BDNF: variants seen among roughly 807,000 people sequenced by gnomAD.
BDNF encodes brain derived neurotrophic factor, also known as neurotrophic factor BDNF precursor form.
In BDNF, 1 loss-of-function variant was observed where a neutral mutation model predicts 19.5. The observed-to-expected ratio is 0.05, with a 90% CI of 0.02 to 0.24. The LOEUF (loss-of-function observed/expected upper bound fraction) is 0.24. Ranked by LOEUF, BDNF falls within the 10% of genes least tolerant of loss-of-function variation. The pLI is 1.00. For missense variants in BDNF, 195 were observed against 317.6 expected (o/e 0.61, Z 2.93); for synonymous variants, 100 against 121.6 (o/e 0.82, Z 1.17).
chr11:27,701,375 C>T (rs1310190932), upstream of BDNF: 4 of 1,052,258 alleles, frequency 3.8e-6, no homozygotes, highest in African/African-American at 1.7e-5. Context: ...CTCCCACACT[C>T]TATTATTTTT....
chr11:27,657,661 CAATA>C lies in BDNF; in HGVS notation c.*156_*159del, dbSNP rs1852751145. 6.9e-7 allele frequency: 1 copy of C among 1,439,998 alleles called. No homozygotes were observed. 89.2% of individuals were successfully genotyped at this position (1,439,998 alleles called of 1,614,324 possible). On this transcript the variant is annotated 3_prime_UTR_variant, in exon 2 of 2. Transcript: ENST00000356660. The surrounding 1 kb of genome is among the most constrained non-coding windows in gnomAD (Gnocchi z 5.0). ...TTTCCCTTCTGGTCATGGACATGTCCAATAAATAGATTGTAGAACCACTGTACTG... is the reference window on the plus strand; with the variant it reads ...TTTCCCTTCTGGTCATGGACATGTCCAATAGATTGTAGAACCACTGTACTG...
intron 1 of BDNF, among the ~76,000 whole-genome samples, chr11:27,688,891 A>C (rs755136726): frequency 6.6e-6 from 1 of 152,230 alleles, no homozygotes; most frequent in African/African-American, 2.4e-5. Flanking sequence ...CTAATCATTC[A>C]CTTAGCAAGA....
At chr11:27,659,375 A>G (rs2133792611) in intron 1 of BDNF, 1 of 1,000,386 alleles carries the variant, frequency 1.0e-6, no homozygotes, top group East Asian at 1.1e-4. Context: ...AACAGAAATC[A>G]TTTTTTGACA....
At chr11:27,670,397 A>C (rs1855158338) in intron 1 of BDNF, among the ~76,000 whole-genome samples, 1 of 152,236 alleles carries the variant, frequency 6.6e-6, no homozygotes, top group African/African-American at 2.4e-5. Flanking sequence ...ACAAAAGCCA[A>C]AATTGACAAA....
At chr11:27,711,135 TG>T (rs1235281131) in intron 1 of BDNF, among the ~76,000 whole-genome samples, 1 of 152,218 alleles carries the variant, frequency 6.6e-6, no homozygotes, top group Non-Finnish European at 1.5e-5. Flanking sequence ...TGCCACTTAT[TG>T]GCTCTGCTAA....
At chr11:27,666,271 C>T (rs1430803957) in intron 1 of BDNF, among the ~76,000 whole-genome samples, 1 of 152,178 alleles carries the variant, frequency 6.6e-6, no homozygotes, top group East Asian at 1.9e-4. Flanking sequence ...ATCTGTACGT[C>T]ACCATCATCA....
intron 1 of BDNF, among the ~76,000 whole-genome samples, chr11:27,717,006 G>A (rs549190260): frequency 4.6e-5 from 7 of 152,072 alleles, no homozygotes; most frequent in South Asian, 4.2e-4. Context: ...CTTCTCTCTC[G>A]CTCACTGCCT....
upstream of BDNF, chr11:27,700,564 C>T (rs1386754795): frequency 5.3e-6 from 5 of 949,802 alleles, no homozygotes; most frequent in African/African-American, 7.4e-5. Context: ...CGCTCGCCCG[C>T]GCTACCGATA....
intron 1 of BDNF, chr11:27,699,437 C>T (rs1329952404): frequency 6.2e-7 from 1 of 1,614,054 alleles, no homozygotes; most frequent in East Asian, 2.2e-5. Context: ...AAGAATCCCC[C>T]ACGTACATCC....
intron 1 of BDNF, among the ~76,000 whole-genome samples, chr11:27,682,392 CTTTT>C (rs1325218527): frequency 1.4e-5 from 2 of 141,260 alleles, no homozygotes; most frequent in African/African-American, 5.0e-5. Context: ...TATTGTATTT[CTTTT>C]ATTATTATTA....
At chr11:27,706,802 T>C (rs1188804205) in intron 1 of BDNF, among the ~76,000 whole-genome samples, 1 of 152,204 alleles carries the variant, frequency 6.6e-6, no homozygotes, top group African/African-American at 2.4e-5. Context: ...ATCTTCCCTT[T>C]GCAACTTGGA....
At chr11:27,700,526 CCCCCCCCGCCCCCCG>C (rs1383548941), upstream of BDNF, 11 of 465,680 alleles carry the variant, frequency 2.4e-5, no homozygotes, top group African/African-American at 2.1e-4. Context: ...CGCCGCCCCC[CCCCCCCCGCCCCCCG>C]CCCCCCGCTC....
In BDNF at chr11:27,655,145, C is replaced by G. The variant is rs1470155236; in HGVS notation, c.*2676G>C. 6.6e-6 allele frequency: 1 copy of G among 152,280 alleles called. No homozygotes were observed. Among genetic ancestry groups the G allele is most frequent in the African/African-American group, 2.4e-5 (1 of 41,404 alleles). The allele number at this position is 152,280 out of a possible 1,614,324, so 9.4% of individuals were successfully genotyped here. ...GAACAAGGCCACAGACATTTACTTA[C>G]ATTTTCAATGGGAATCGCCATAAAA... is the stretch of plus-strand genomic sequence containing the variant. On this transcript the variant is annotated 3_prime_UTR_variant, in exon 2 of 2. Coordinates refer to ENST00000356660, the MANE Select transcript of BDNF (RefSeq NM_001709.5).
chr11:27,696,174 TATTTA>T (rs1372384078), intron 1 of BDNF: 1 of 152,198 alleles, frequency 6.6e-6, no homozygotes, highest in East Asian at 1.9e-4. Context: ...AGTATAAAAT[TATTTA>T]GGATTAAATA....
chr11:27,700,647 C>T (rs2134087871), upstream of BDNF: 6 of 1,000,498 alleles, frequency 6.0e-6, no homozygotes, highest in South Asian at 8.4e-5. Context: ...GCGCCCGGAA[C>T]TCCCCGCTCC....
chr11:27,697,455 A>G (rs1859230444), intron 1 of BDNF: 1 of 152,182 alleles, frequency 6.6e-6, no homozygotes, highest in Admixed American at 6.6e-5. Context: ...GGATTTTAGA[A>G]ATTTGCATTT....
intron 1 of BDNF, among the ~76,000 whole-genome samples, chr11:27,670,236 T>C (rs1260733543): frequency 2.0e-5 from 3 of 152,316 alleles, no homozygotes; most frequent in African/African-American, 7.2e-5. Context: ...ATCCCTTCTT[T>C]ACACCTTATA....
intron 1 of BDNF, among the ~76,000 whole-genome samples, chr11:27,672,268 A>G (rs1310639472): frequency 6.6e-6 from 1 of 152,194 alleles, no homozygotes; most frequent in Non-Finnish European, 1.5e-5. Context: ...TCTTACCAAA[A>G]TGCTACAAGG....
intron 1 of BDNF, among the ~76,000 whole-genome samples, chr11:27,672,639 T>C (rs896276820): frequency 3.9e-5 from 6 of 152,146 alleles, no homozygotes; most frequent in Admixed American, 3.9e-4. Context: ...ATAGTAAATA[T>C]AAGTATCAAA....
Sources: gnomAD v4.1 joint callset for allele counts (sites outside exome capture counted in the v4.1 genomes callset) on GRCh38, gnomAD v4.1.1 for gene constraint, Gnocchi (gnomAD v3.1) non-coding constraint, MANE v1.5 for transcripts, NCBI Gene and HGNC (gene_info 2026-07-23, HGNC 2026-07-21) for gene names.